The following MEI4 variants were observed in gnomAD, a reference collection of about 807,000 sequenced individuals.
The protein encoded by MEI4 is meiotic double-stranded break formation protein 4.
Under a neutral mutation model 31.4 loss-of-function variants are expected in MEI4, and 27 were observed. That is an observed-to-expected ratio of 0.86 (90% confidence interval 0.63 to 1.19). The LOEUF (loss-of-function observed/expected upper bound fraction) is 1.19, where lower values mean the gene tolerates loss of function less well. MEI4 is among the 50% of genes most tolerant of loss of function. The probability of loss-of-function intolerance (pLI) is 0.00; values close to 1 mark genes in which losing one functional copy is unlikely to be tolerated. For synonymous variants in MEI4, 122 were observed against 145.4 expected (o/e 0.84, Z 1.16); for missense variants, 329 against 398.9 (o/e 0.82, Z 1.49).
chr6:77,903,505 A>G (rs1009023169), intron 4 of MEI4, among the ~76,000 whole-genome samples: 2 of 152,126 alleles, frequency 1.3e-5, no homozygotes, highest in Admixed American at 6.6e-5. Flanking sequence ...AACTCACAAT[A>G]TTTTCAACTT....
intron 3 of MEI4, among the ~76,000 whole-genome samples, chr6:77,763,283 C>T (rs114057213): frequency 0.022 from 3,391 of 152,092 alleles, 125 homozygotes; most frequent in African/African-American, 0.078. Flanking sequence ...GGAGGGGTGA[C>T]ATAAGCACTT....
intron 4 of MEI4, among the ~76,000 whole-genome samples, chr6:77,892,822 T>A (rs1765997526): frequency 6.6e-6 from 1 of 151,938 alleles, no homozygotes; most frequent in South Asian, 2.1e-4. Context: ...CAGTATATAG[T>A]TTGGTGGGGG....
At chr6:77,808,667 T>C (rs1482867876) in intron 3 of MEI4, among the ~76,000 whole-genome samples, 1 of 152,074 alleles carries the variant, frequency 6.6e-6, no homozygotes, top group Non-Finnish European at 1.5e-5. Flanking sequence ...TTAAAAGCTG[T>C]TTTGAGGGTG....
intron 4 of MEI4, among the ~76,000 whole-genome samples, chr6:77,905,353 T>G (rs1472702851): frequency 6.6e-6 from 1 of 152,116 alleles, no homozygotes; most frequent in Non-Finnish European, 1.5e-5. Flanking sequence ...TTGACTTTGA[T>G]TTTTGAATCC....
At chr6:77,694,658 A>G (rs1225209837) in intron 2 of MEI4, among the ~76,000 whole-genome samples, 3 of 152,050 alleles carry the variant, frequency 2.0e-5, no homozygotes, top group African/African-American at 7.3e-5. Flanking sequence ...AATCCAGTCT[A>G]TCGTTGTTGG....
At chr6:77,728,485 A>G (rs773634865) in intron 2 of MEI4, among the ~76,000 whole-genome samples, 2 of 152,224 alleles carry the variant, frequency 1.3e-5, no homozygotes, top group Non-Finnish European at 2.9e-5. Flanking sequence ...TCTACCAGGA[A>G]CAAGACAAAA....
chr6:77,786,836 AAAT>A (rs1768749223), intron 3 of MEI4, among the ~76,000 whole-genome samples: 1 of 152,216 alleles, frequency 6.6e-6, no homozygotes, highest in Non-Finnish European at 1.5e-5. Flanking sequence ...CTAAAAATAA[AAAT>A]AATATCTCTG....
intron 1 of MEI4, among the ~76,000 whole-genome samples, chr6:77,660,648 T>C (rs1461893298): frequency 6.6e-6 from 1 of 152,040 alleles, no homozygotes; most frequent in Admixed American, 6.5e-5. Context: ...AATGAAGGGA[T>C]GTATTAGGCT....
At chr6:77,719,772 TTG>T (rs1220780875) in intron 2 of MEI4, among the ~76,000 whole-genome samples, 3 of 70,528 alleles carry the variant, frequency 4.3e-5, no homozygotes, top group Non-Finnish European at 8.1e-5. Flanking sequence ...TCTAGATATT[TTG>T]TAGCTAACTG....
At chr6:77,827,031 G>A (rs1769968749) in intron 3 of MEI4, among the ~76,000 whole-genome samples, 1 of 152,070 alleles carries the variant, frequency 6.6e-6, no homozygotes, top group African/African-American at 2.4e-5. Flanking sequence ...AAACCACTGG[G>A]CAACCAAGGT....
chr6:77,746,638 C>T (rs11965464), intron 2 of MEI4, among the ~76,000 whole-genome samples: 7 of 136,542 alleles, frequency 5.1e-5, no homozygotes, highest in South Asian at 2.4e-4. Context: ...AAATATATGG[C>T]GTGTGTGTGT....
Position 77,704,341 on chromosome 6 carries a change from T to C in MEI4, c.232+13438T>C, listed in dbSNP as rs114658663. The stretch of plus-strand genomic sequence containing the variant: ...TTTGGGTTTTCATTCTTGAATTTCT[T>C]TCCTTGCTGCTTCAACTCTTGTCTA... On this transcript the variant is annotated intron_variant, in intron 2 of 4. Transcript: ENST00000684080. Among the ~76,000 whole-genome samples, 658 of 152,342 alleles carry C rather than the reference T, an allele frequency of 4.3e-3. 6 individuals carry two copies. Among genetic ancestry groups the C allele is most frequent in the African/African-American group, 0.015 (611 of 41,578 alleles).
intron 3 of MEI4, among the ~76,000 whole-genome samples, chr6:77,778,003 A>C (rs1768498989): frequency 6.6e-6 from 1 of 152,036 alleles, no homozygotes; most frequent in Non-Finnish European, 1.5e-5. Flanking sequence ...CAATAGGAAA[A>C]ATTTACCAAA....
At chr6:77,887,506 A>C (rs1010704091) in intron 4 of MEI4, among the ~76,000 whole-genome samples, 4 of 152,060 alleles carry the variant, frequency 2.6e-5, no homozygotes, top group Non-Finnish European at 5.9e-5. Flanking sequence ...CATGTTGGCC[A>C]GGCTGGTCTC....
At chr6:77,667,436 T>C (rs184188366) in intron 1 of MEI4, among the ~76,000 whole-genome samples, 2 of 152,304 alleles carry the variant, frequency 1.3e-5, no homozygotes, top group East Asian at 3.9e-4. Flanking sequence ...TTCATGAAAC[T>C]TTCTGTGATT....
At chr6:77,901,860 T>G (rs1766193888) in intron 4 of MEI4, among the ~76,000 whole-genome samples, 1 of 152,140 alleles carries the variant, frequency 6.6e-6, no homozygotes, top group Admixed American at 6.6e-5. Flanking sequence ...TTTAAATGTT[T>G]TATCCATTTT....
rs150237193 is a variant in MEI4 at position 77,767,933 on chromosome 6, C to A, written c.768+6268C>A. Among the ~76,000 whole-genome samples the A allele has an allele frequency of 5.0e-3, 762 of 152,298 alleles. 2 individuals carry two copies. The highest frequency in any genetic ancestry group is 0.017 in the Middle Eastern group (5 of 294). Reference sequence around the variant, plus strand: ...ACAGAACAGAACTTTCTTCAATTTACTTTCAAAGTATACTATACATTTAAA... The same window carrying A: ...ACAGAACAGAACTTTCTTCAATTTAATTTCAAAGTATACTATACATTTAAA... On this transcript the variant is annotated intron_variant, in intron 3 of 4. Coordinates refer to ENST00000684080, the MANE Select transcript of MEI4 (RefSeq NM_001322247.2).
At chr6:77,669,237 G>C (rs560403402) in intron 1 of MEI4, among the ~76,000 whole-genome samples, 5 of 151,936 alleles carry the variant, frequency 3.3e-5, no homozygotes, top group Admixed American at 2.6e-4. Context: ...GTGTGTGTGC[G>C]TACATACACA....
rs531471024 is a variant in MEI4, at chr6:77,790,334, A to G, written c.768+28669A>G. Among the ~76,000 whole-genome samples the G allele has an allele frequency of 1.4e-3, 211 of 152,050 alleles. 1 individual carries two copies. Among genetic ancestry groups the G allele is most frequent in the African/African-American group, 4.5e-3 (185 of 41,536 alleles). Reference sequence around the variant, plus strand: ...GAGTTAATGGGTGCAGCACACCAACATGGCACATGTATACATATGTAACCT... The same window carrying G: ...GAGTTAATGGGTGCAGCACACCAACGTGGCACATGTATACATATGTAACCT... On this transcript the variant is annotated intron_variant, in intron 3 of 4. Coordinates refer to ENST00000684080, the MANE Select transcript of MEI4 (RefSeq NM_001322247.2).
Sources: allele counts gnomAD v4.1 joint callset (sites outside exome capture counted in the v4.1 genomes callset), GRCh38; gene constraint gnomAD v4.1.1; transcripts MANE v1.5; gene names NCBI Gene and HGNC (gene_info 2026-07-23, HGNC 2026-07-21).